The following SRBD1 variants were observed in gnomAD, a reference collection of about 807,000 sequenced individuals.
SRBD1 encodes the protein S1 RNA binding domain 1.
In SRBD1, 88 loss-of-function variants were observed where a neutral mutation model predicts 115.3. That is an observed-to-expected ratio of 0.76 (90% CI 0.64 to 0.91). The LOEUF is 0.91. Among genes scored for constraint, SRBD1 ranks in the 40% least tolerant of loss-of-function variants. The pLI is 0.00. For synonymous variants in SRBD1, 509 were observed against 407.7 expected, an observed-to-expected ratio of 1.25 and a Z score of -2.99; for missense variants, 1,385 against 1,177.4, an observed-to-expected ratio of 1.18 and a Z score of -2.58.
In SRBD1 at chr2:45,546,984, G is replaced by A. The variant is rs112960799; in HGVS notation, c.1767-145C>T. On this transcript the variant is annotated intron_variant, in intron 13 of 20. Coordinates refer to ENST00000263736, the MANE Select transcript of SRBD1 (RefSeq NM_018079.5). ...AGCAACCTGTCCACTGTTGCATAAG[G>A]AAAACACAGACTTATATGGAATAAA... 132 of 731,822 alleles carry A rather than the reference G, an allele frequency of 1.8e-4. No individual in the cohort carries two copies. The African/African-American group carries it at 1.9e-3, about 10-fold the overall frequency. The allele number at this position is 731,822 out of a possible 1,614,324, so 45.3% of individuals were successfully genotyped here.
At chr2:45,557,670 C>CGGCT (rs1672525719) in intron 10 of SRBD1, among the ~76,000 whole-genome samples, 1 of 152,148 alleles carries the variant, frequency 6.6e-6, no homozygotes, top group African/African-American at 2.4e-5. Flanking sequence ...TGCCCTTCAC[C>CGGCT]GGCTTCCTGG....
chr2:45,459,471 G>A (rs1425048883), intron 16 of SRBD1, among the ~76,000 whole-genome samples: 3 of 152,106 alleles, frequency 2.0e-5, no homozygotes, highest in African/African-American at 7.2e-5. Context: ...ATACCTGACA[G>A]GTGTGAACTA....
intron 16 of SRBD1, among the ~76,000 whole-genome samples, chr2:45,439,907 T>C (rs1326768250): frequency 3.9e-5 from 6 of 152,148 alleles, no homozygotes; most frequent in Non-Finnish European, 7.4e-5. Context: ...TCGGGTTTCA[T>C]AGCTAGTGGC....
At chr2:45,440,342 A>G (rs554376352) in intron 16 of SRBD1, among the ~76,000 whole-genome samples, 1 of 152,280 alleles carries the variant, frequency 6.6e-6, no homozygotes, top group Non-Finnish European at 1.5e-5. Flanking sequence ...CCCCTAGTGG[A>G]TACAGGTCGA....
chr2:45,540,182 A>T (rs1049516992), intron 14 of SRBD1, among the ~76,000 whole-genome samples: 1 of 152,202 alleles, frequency 6.6e-6, no homozygotes, highest in East Asian at 1.9e-4. Flanking sequence ...CTCTACTAAA[A>T]ATACAAAAAT....
At chr2:45,398,131 A>C (rs1236731532) in intron 19 of SRBD1, among the ~76,000 whole-genome samples, 1 of 152,230 alleles carries the variant, frequency 6.6e-6, no homozygotes, top group Non-Finnish European at 1.5e-5. Context: ...GCAAAGAATT[A>C]TCCAGTAGAA....
chr2:45,553,823 C>A, intron 10 of SRBD1, 93 bp from the exon 11 acceptor site: 2 of 655,794 alleles, frequency 3.0e-6, no homozygotes. Context: ...AATACAGAAG[C>A]GGGGAAAACC....
chr2:45,586,959 A>T (rs920911994), intron 4 of SRBD1, among the ~76,000 whole-genome samples: 8 of 146,646 alleles, frequency 5.5e-5, no homozygotes, highest in Admixed American at 1.4e-4. Flanking sequence ...AAATTATTTT[A>T]AATTATAAAT....
At chr2:45,514,532 T>C (rs1394692071) in intron 14 of SRBD1, among the ~76,000 whole-genome samples, 2 of 152,326 alleles carry the variant, frequency 1.3e-5, no homozygotes, top group African/African-American at 4.8e-5. Flanking sequence ...ACACAAGTCA[T>C]TTAGCTAACA....
rs148864721 is a variant in SRBD1, at chr2:45,518,694, A to G, written c.1874+28038T>C. Among the ~76,000 whole-genome samples the G allele has an allele frequency of 1.2e-3, 181 of 152,314 alleles. 2 individuals carry two copies. The highest frequency in any genetic ancestry group is 4.2e-3 in the African/African-American group (175 of 41,572). On this transcript the variant is annotated intron_variant, in intron 14 of 20. Coordinates refer to ENST00000263736, the MANE Select transcript of SRBD1 (RefSeq NM_018079.5). ...TATGTTTTGGACAGACTATAAAGGG[A>G]TAGTCTGAAAAAGCACAGATCATAA...
intron 4 of SRBD1, among the ~76,000 whole-genome samples, chr2:45,593,808 C>G (rs780224334): frequency 2.0e-4 from 30 of 152,236 alleles, no homozygotes; most frequent in South Asian, 4.1e-4. Flanking sequence ...CTACTACACA[C>G]ACAAGTTTCC....
chr2:45,436,512 G>T (rs746642066), intron 16 of SRBD1, among the ~76,000 whole-genome samples: 4 of 152,176 alleles, frequency 2.6e-5, no homozygotes, highest in Non-Finnish European at 1.5e-5. Flanking sequence ...AAGGAAAGAG[G>T]TTTAACTGAC....
chr2:45,565,770 G>A (rs1044727256), intron 9 of SRBD1, among the ~76,000 whole-genome samples: 2 of 152,128 alleles, frequency 1.3e-5, no homozygotes, highest in Non-Finnish European at 2.9e-5. Context: ...TCAACAATAA[G>A]GAGACAAAAC....
intron 11 of SRBD1, 82 bp downstream of exon 11, chr2:45,553,541 A>G (rs983331336): frequency 2.2e-6 from 2 of 890,448 alleles, no homozygotes; most frequent in African/African-American, 1.7e-5. Flanking sequence ...ATCAATCAAC[A>G]AACATTAGCT....
At chr2:45,414,763 GTATATAGTATGTA>G (rs1667740777) in intron 18 of SRBD1, among the ~76,000 whole-genome samples, 2 of 125,260 alleles carry the variant, frequency 1.6e-5, no homozygotes, top group African/African-American at 6.6e-5. Flanking sequence ...CACACAGTGT[GTATATAGTATGTA>G]CACACACACA....
At chr2:45,580,388 C>T (rs1241261667) in intron 6 of SRBD1, among the ~76,000 whole-genome samples, 1 of 152,044 alleles carries the variant, frequency 6.6e-6, no homozygotes, top group African/African-American at 2.4e-5. Context: ...CTCTTTCGCC[C>T]AGGCCTGAGT....
chr2:45,397,990 T>A (rs1190583430), intron 19 of SRBD1, among the ~76,000 whole-genome samples: 2 of 152,194 alleles, frequency 1.3e-5, no homozygotes, highest in African/African-American at 4.8e-5. Context: ...TACAAGTAAT[T>A]ATAAATTCAA....
chr2:45,545,375 C>T (rs547518474), intron 14 of SRBD1, among the ~76,000 whole-genome samples: 3 of 145,194 alleles, frequency 2.1e-5, no homozygotes, highest in Admixed American at 6.9e-5. Context: ...ATAGTACATA[C>T]TGCCTAAAGT....
At chr2:45,390,897 T>C (rs1666978568) in intron 20 of SRBD1, among the ~76,000 whole-genome samples, 1 of 152,198 alleles carries the variant, frequency 6.6e-6, no homozygotes, top group South Asian at 2.1e-4. Context: ...TCTGTGGAAT[T>C]TTACCTGATG....
Sources: gnomAD v4.1 joint callset for allele counts (sites outside exome capture counted in the v4.1 genomes callset) on GRCh38, gnomAD v4.1.1 for gene constraint, MANE v1.5 for transcripts, NCBI Gene and HGNC (gene_info 2026-07-23, HGNC 2026-07-21) for gene names.